The following AUH variants were observed in gnomAD, a reference collection of about 807,000 sequenced individuals.
AUH encodes the protein AU RNA binding methylglutaconyl-CoA hydratase.
A neutral mutation model predicts 42.3 loss-of-function variants in AUH; 29 were observed. That is an observed-to-expected ratio of 0.69 (90% confidence interval 0.51 to 0.93). The LOEUF is 0.93. Among genes scored for constraint, AUH ranks in the 40% least tolerant of loss-of-function variants. The pLI, the probability that AUH is intolerant of heterozygous loss-of-function variation, is 0.00. For missense variants in AUH, 452 were observed against 438.1 expected (o/e 1.03, Z -0.28); for synonymous variants, 174 against 166.4 (o/e 1.05, Z -0.35).
At chr9:91,251,875 C>T (rs950463143) in intron 6 of AUH, among the ~76,000 whole-genome samples, 6 of 152,196 alleles carry the variant, frequency 3.9e-5, no homozygotes, top group South Asian at 2.1e-4. Flanking sequence ...TACTGTTAAA[C>T]GGTTCAAGTC....
rs113701777 is a variant in AUH, at chr9:91,337,748, T to C, written c.419-12344A>G. Among the ~76,000 whole-genome samples the C allele has an allele frequency of 4.7e-4, 72 of 152,310 alleles. 1 individual carries two copies. The highest frequency in any genetic ancestry group is 1.7e-3 in the African/African-American group (70 of 41,562). On this transcript the variant is annotated intron_variant, in intron 3 of 9. Coordinates refer to ENST00000375731, the MANE Select transcript of AUH (RefSeq NM_001698.3). ...TTTGTTAGATGGAGGTGAGAGCTCA[T>C]TATCTAACTAGATGACATATTAGAA...
chr9:91,285,635 G>A (rs765013571), intron 6 of AUH, among the ~76,000 whole-genome samples: 14 of 151,968 alleles, frequency 9.2e-5, no homozygotes, highest in Admixed American at 5.9e-4. Context: ...TCAATTCCAA[G>A]GGAGCATTAC....
At chr9:91,337,166 C>T (rs750354654) in intron 3 of AUH, among the ~76,000 whole-genome samples, 6 of 152,162 alleles carry the variant, frequency 3.9e-5, no homozygotes, top group Non-Finnish European at 8.8e-5. Flanking sequence ...TTATTTACTG[C>T]TATATCCTCA....
chr9:91,328,994 C>T (rs1362604594), intron 3 of AUH, among the ~76,000 whole-genome samples: 2 of 152,158 alleles, frequency 1.3e-5, no homozygotes, highest in Non-Finnish European at 2.9e-5. Flanking sequence ...CTTTTCTGGA[C>T]ATTTCCTATA....
intron 6 of AUH, among the ~76,000 whole-genome samples, chr9:91,291,445 C>T (rs769701293): frequency 1.3e-5 from 2 of 152,204 alleles, no homozygotes; most frequent in Non-Finnish European, 2.9e-5. Context: ...TCACATCACC[C>T]TTTTGCTAAA....
intron 7 of AUH, chr9:91,219,087 C>G: frequency 1.0e-6 from 1 of 955,112 alleles, no homozygotes; most frequent in Non-Finnish European, 1.2e-6. Context: ...GCTCGACACA[C>G]TGGCAGTGGA....
At chr9:91,266,707 C>T (rs1383459762) in intron 6 of AUH, among the ~76,000 whole-genome samples, 1 of 152,182 alleles carries the variant, frequency 6.6e-6, no homozygotes, top group Non-Finnish European at 1.5e-5. Context: ...GTACACCAGG[C>T]CTCACAGAGT....
chr9:91,297,929 A>G, intron 5 of AUH, 55 bp downstream of exon 5: 9 of 1,301,394 alleles, frequency 6.9e-6, no homozygotes, highest in Non-Finnish European at 1.0e-5. Flanking sequence ...TTACCTGAAG[A>G]GTAAACACAA....
chr9:91,215,632 T>C (rs1303585499), intron 9 of AUH, among the ~76,000 whole-genome samples: 1 of 152,150 alleles, frequency 6.6e-6, no homozygotes, highest in Admixed American at 6.5e-5. Flanking sequence ...ATAATTTCAT[T>C]AGTGAACTTT....
At chr9:91,263,210 A>G (rs1389089857) in intron 6 of AUH, among the ~76,000 whole-genome samples, 2 of 152,234 alleles carry the variant, frequency 1.3e-5, no homozygotes, top group African/African-American at 4.8e-5. Context: ...CCTCACTTCT[A>G]TACCATGGTT....
chr9:91,243,523 C>T (rs1412634176), intron 6 of AUH, among the ~76,000 whole-genome samples: 5 of 152,230 alleles, frequency 3.3e-5, no homozygotes, highest in African/African-American at 1.2e-4. Context: ...CACTTCGCTG[C>T]AGATCTTCCT....
chr9:91,270,973 A>C (rs1825077021), intron 6 of AUH, among the ~76,000 whole-genome samples: 1 of 152,214 alleles, frequency 6.6e-6, no homozygotes, highest in East Asian at 1.9e-4. Context: ...CTAATGCATG[A>C]ATTGAATTTC....
Position 91,338,881 on chromosome 9 carries a change from G to A in AUH, c.419-13477C>T, listed in dbSNP as rs375538183. On this transcript the variant is annotated intron_variant, in intron 3 of 9. Coordinates refer to ENST00000375731, the MANE Select transcript of AUH (RefSeq NM_001698.3). ...ACACCCTCAAGGGTGGGAACTGGAG[G>A]GAAGAGATTAGAGGGAGGAAGTGGG... 2.0e-4 allele frequency among the ~76,000 whole-genome samples: 30 copies of A among 152,250 alleles called. No homozygotes were observed. The East Asian group carries it at 5.0e-3, about 25-fold the overall frequency.
At position 91,321,649 on chromosome 9, in the gene AUH, T is replaced by C. The variant is rs187233304; in HGVS notation, c.505+3669A>G. On this transcript the variant is annotated intron_variant, in intron 4 of 9. Transcript: ENST00000375731. ...AGGAAAAATGAAGATAGGAGACAAATGACATTCAAAGAAAAATCAGACCCA... is the reference window on the plus strand; with the variant it reads ...AGGAAAAATGAAGATAGGAGACAAACGACATTCAAAGAAAAATCAGACCCA... Among the ~76,000 whole-genome samples, 7 of 152,196 alleles carry C rather than the reference T, an allele frequency of 4.6e-5. No individual in the cohort carries two copies. In the East Asian group the frequency reaches 1.3e-3, roughly 29 times the overall value.
At chr9:91,320,896 T>G (rs1334009040) in intron 4 of AUH, among the ~76,000 whole-genome samples, 1 of 152,222 alleles carries the variant, frequency 6.6e-6, no homozygotes, top group African/African-American at 2.4e-5. Context: ...AACTTTTGTC[T>G]TTTTGACCTC....
intron 5 of AUH, among the ~76,000 whole-genome samples, chr9:91,296,476 G>GC (rs1045860527): frequency 3.9e-5 from 6 of 152,122 alleles, no homozygotes; most frequent in Non-Finnish European, 4.4e-5. Context: ...AGACCAAAGA[G>GC]CTTAATAGGT....
chr9:91,350,970 A>G (rs976378574), intron 3 of AUH, among the ~76,000 whole-genome samples: 2 of 151,884 alleles, frequency 1.3e-5, no homozygotes, highest in African/African-American at 4.8e-5. Flanking sequence ...TTAATCCATG[A>G]TCTTTTTTTT....
chr9:91,227,147 T>C (rs1490069402), intron 6 of AUH, among the ~76,000 whole-genome samples: 1 of 150,780 alleles, frequency 6.6e-6, no homozygotes, highest in Non-Finnish European at 1.5e-5. Context: ...TTGGGCAGTA[T>C]GGCCATTTTC....
At chr9:91,260,062 G>T (rs138154272) in intron 6 of AUH, among the ~76,000 whole-genome samples, 125 of 151,922 alleles carry the variant, frequency 8.2e-4, no homozygotes, top group Non-Finnish European at 1.7e-3. Context: ...TATGTATATT[G>T]AAGTTCTATT....
Sources: gnomAD v4.1 joint callset for allele counts (sites outside exome capture counted in the v4.1 genomes callset) on GRCh38, gnomAD v4.1.1 for gene constraint, MANE v1.5 for transcripts, NCBI Gene and HGNC (gene_info 2026-07-23, HGNC 2026-07-21) for gene names.